The following RIPK1 variants were observed in gnomAD, a reference collection of about 807,000 sequenced individuals.
RIPK1 encodes receptor-interacting serine/threonine-protein kinase 1.
In RIPK1, 27 loss-of-function variants were observed where a neutral mutation model predicts 62.4. The observed-to-expected ratio is 0.43, with a 90% CI of 0.32 to 0.60. The LOEUF (loss-of-function observed/expected upper bound fraction) is 0.60, where lower values mean the gene tolerates loss of function less well. Among genes scored for constraint, RIPK1 ranks in the 20% least tolerant of loss-of-function variants. The pLI is 0.07. For missense variants in RIPK1, 735 were observed against 831.0 expected, an observed-to-expected ratio of 0.88 and a Z score of 1.42; for synonymous variants, 287 against 303.2, an observed-to-expected ratio of 0.95 and a Z score of 0.55.
rs1305878027 is a variant in RIPK1 at position 3,113,423 on chromosome 6, T to C, written c.*84T>C. 6.7e-6 allele frequency: 9 copies of C among 1,345,912 alleles called. No homozygotes were observed. The East Asian group carries it at 1.7e-4, about 25-fold the overall frequency. The allele number at this position is 1,345,912 out of a possible 1,614,324, so 83.4% of individuals were successfully genotyped here. On this transcript the variant is annotated 3_prime_UTR_variant, in exon 11 of 11. Transcript: ENST00000259808. The surrounding 1 kb of genome is among the most constrained non-coding windows in gnomAD (Gnocchi z 5.0). ...GTTGGCTGCCTCAGAGCATTCAGAA[T>C]TCTGTCCTCACTGATAGGGGTTCTG...
intron 9 of RIPK1, among the ~76,000 whole-genome samples, chr6:3,109,214 G>A (rs1165719589): frequency 1.3e-5 from 2 of 152,160 alleles, no homozygotes; most frequent in Admixed American, 6.5e-5. Context: ...GATACAGAGC[G>A]GCGCAGGGCA....
chr6:3,080,710 G>A (rs981415855), intron 3 of RIPK1, among the ~76,000 whole-genome samples: 1 of 152,100 alleles, frequency 6.6e-6, no homozygotes, highest in Non-Finnish European at 1.5e-5. Flanking sequence ...TTGTTCTCAA[G>A]GAGCTTAATT....
upstream of RIPK1, chr6:3,068,344 T>G (rs1282969768): frequency 4.1e-6 from 4 of 985,284 alleles, no homozygotes; most frequent in Non-Finnish European, 4.8e-6. Flanking sequence ...GCCGCCCCAC[T>G]CGCTTGAAAA....
chr6:3,105,834 A>G lies in RIPK1; in HGVS notation c.1359A>G (p.Ser453=). Reference sequence around the variant, plus strand: ...ATGGTAATGCAGTGCACCAGCCCTCAGGGCTCACCAGCCAACCTCAAGTAC... The same window carrying G: ...ATGGTAATGCAGTGCACCAGCCCTCGGGGCTCACCAGCCAACCTCAAGTAC... ...ASHGNAVHQP[S]GLTSQPQVLY... is the part of the protein sequence containing the mutation. The change falls in exon 9 of 11, where the codon TCA becomes TCG. Residue 453 remains serine, a synonymous_variant. Transcript: ENST00000259808. This position sits in a 1 kb window ranked among gnomAD's most constrained non-coding sequence, Gnocchi z 4.5. 3 of 1,614,176 alleles carry G rather than the reference A, an allele frequency of 1.9e-6. No individual in the cohort carries two copies. The highest frequency in any genetic ancestry group is 1.3e-5 in the African/African-American group (1 of 75,064).
chr6:3,098,180 T>C (rs1760412195), intron 7 of RIPK1, among the ~76,000 whole-genome samples: 1 of 151,860 alleles, frequency 6.6e-6, no homozygotes, highest in Admixed American at 6.6e-5. Flanking sequence ...CCATCTCCAA[T>C]AAATAAATAA....
At chr6:3,108,858 C>G (rs1761003004) in intron 9 of RIPK1, among the ~76,000 whole-genome samples, 1 of 152,132 alleles carries the variant, frequency 6.6e-6, no homozygotes, top group South Asian at 2.1e-4. Context: ...TCCCTAGTTT[C>G]CTTGGCTTCC....
intron 10 of RIPK1, among the ~76,000 whole-genome samples, chr6:3,112,345 C>T (rs1030136674): frequency 6.6e-6 from 1 of 152,072 alleles, no homozygotes; most frequent in African/African-American, 2.4e-5. Flanking sequence ...CAGATGTAAG[C>T]GGAGAATGTC....
intron 1 of RIPK1, 53 bp from the exon 2 acceptor site, chr6:3,076,698 ACATATATATATAT>A: frequency 3.7e-6 from 1 of 267,658 alleles, no homozygotes; most frequent in East Asian, 1.5e-4. Context: ...AAAAAAAAAA[ACATATATATATAT>A]ATATATATAT....
intron 1 of RIPK1, among the ~76,000 whole-genome samples, chr6:3,070,114 C>T (rs575964911): frequency 1.2e-4 from 18 of 152,280 alleles, no homozygotes; most frequent in Non-Finnish European, 2.1e-4. Flanking sequence ...ATCATTATTA[C>T]TGATAAAATA....
At chr6:3,099,531 G>C (rs1433951289) in intron 7 of RIPK1, among the ~76,000 whole-genome samples, 1 of 152,146 alleles carries the variant, frequency 6.6e-6, no homozygotes, top group Non-Finnish European at 1.5e-5. Context: ...GTGACAAAGT[G>C]AGACTCCGTC....
chr6:3,088,546 G>C (rs1001901338), intron 6 of RIPK1: 3 of 152,392 alleles, frequency 2.0e-5, no homozygotes, highest in African/African-American at 7.2e-5. Context: ...CTGGCTTCCT[G>C]TTGGGCCTTC....
chr6:3,101,078 G>A (rs1159557461), intron 7 of RIPK1, among the ~76,000 whole-genome samples: 1 of 152,120 alleles, frequency 6.6e-6, no homozygotes, highest in Non-Finnish European at 1.5e-5. Flanking sequence ...CTTGAGGCCA[G>A]TTCAAAACCA....
Position 3,114,453 on chromosome 6 carries a change from A to G in RIPK1, c.*1114A>G, listed in dbSNP as rs1414030107. On this transcript the variant is annotated 3_prime_UTR_variant, in exon 11 of 11. Transcript: ENST00000259808. This position sits in a 1 kb window ranked among gnomAD's most constrained non-coding sequence, Gnocchi z 5.0. ...ACCTGGGGGTGGATGAAAGAACTAG[A>G]ATAGAAGACTGAAGCTGGGTAGGCC... 1 of 152,228 alleles carries G rather than the reference A, an allele frequency of 6.6e-6. No homozygotes were observed. The highest frequency in any genetic ancestry group is 2.4e-5 in the African/African-American group (1 of 41,446). 9.4% of individuals were successfully genotyped at this position (152,228 alleles called of 1,614,324 possible).
chr6:3,087,818 G>A (rs17513373), intron 6 of RIPK1, among the ~76,000 whole-genome samples: 8,328 of 151,984 alleles, frequency 0.055, 776 homozygotes, highest in African/African-American at 0.19. Flanking sequence ...GATTACAGGT[G>A]TGAGCCACTG....
At chr6:3,088,552 C>T (rs1260819199) in intron 6 of RIPK1, 2 of 152,342 alleles carry the variant, frequency 1.3e-5, no homozygotes, top group Admixed American at 1.3e-4. Flanking sequence ...TCCTGTTGGG[C>T]CTTCTCTGAC....
chr6:3,110,890 CACT>C lies in RIPK1; in HGVS notation c.1669_1671del (p.Leu557del), dbSNP rs765343712. 6.2e-6 allele frequency: 10 copies of C among 1,612,352 alleles called. No individual in the cohort carries two copies. Among genetic ancestry groups the C allele is most frequent in the East Asian group, 4.5e-5 (2 of 44,848 alleles). On this transcript the variant is annotated inframe_deletion, in exon 10 of 11. Coordinates refer to ENST00000259808, the MANE Select transcript of RIPK1 (RefSeq NM_001354930.2). ...ATGGAGATTGGTGGGACGAGTTCATCACTACTAGACAGCACAAATACGAACTTC... is the reference window on the plus strand; with the variant it reads ...ATGGAGATTGGTGGGACGAGTTCATCACTAGACAGCACAAATACGAACTTC...
chr6:3,081,860 TAAAAAAAAAAAAAAAAAAAAAAAA>T (rs58330257), intron 4 of RIPK1, among the ~76,000 whole-genome samples: 27 of 22,870 alleles, frequency 1.2e-3, no homozygotes, highest in South Asian at 2.5e-3. Flanking sequence ...AACTCTGCCT[TAAAAAAAAAAAAAAAAAAAAAAAA>T]AAAAAAAAAA....
chr6:3,068,333 G>A, upstream of RIPK1: 1 of 985,380 alleles, frequency 1.0e-6, no homozygotes, highest in Non-Finnish European at 1.2e-6. Context: ...CTTTTACGTA[G>A]GCCGCCCCAC....
chr6:3,103,379 C>T (rs1329102985), intron 7 of RIPK1, among the ~76,000 whole-genome samples: 3 of 151,752 alleles, frequency 2.0e-5, no homozygotes, highest in Non-Finnish European at 2.9e-5. Flanking sequence ...TGGTTCACTG[C>T]AACCTCTGCC....
Sources: gnomAD v4.1 joint callset for allele counts (sites outside exome capture counted in the v4.1 genomes callset) on GRCh38, gnomAD v4.1.1 for gene constraint, Gnocchi (gnomAD v3.1) non-coding constraint, MANE v1.5 for transcripts, NCBI Gene and HGNC (gene_info 2026-07-23, HGNC 2026-07-21) for gene names.